DYNLL1: variants seen among roughly 807,000 people sequenced by gnomAD.
The protein encoded by DYNLL1 is dynein light chain LC8-type 1.
A neutral mutation model predicts 10.1 loss-of-function variants in DYNLL1; 3 were observed. The ratio of observed to expected loss-of-function variants is 0.30; its 90% CI spans 0.14 to 0.77. The LOEUF is 0.77. Among genes scored for constraint, DYNLL1 ranks in the 30% least tolerant of loss-of-function variants. The pLI is 0.66. For missense variants in DYNLL1, 47 were observed against 111.7 expected, an observed-to-expected ratio of 0.42 and a Z score of 2.61; for synonymous variants, 46 against 41.2, an observed-to-expected ratio of 1.12 and a Z score of -0.45.
At chr12:120,487,367 A>G (rs1474707656) in intron 1 of DYNLL1, among the ~76,000 whole-genome samples, 2 of 120,564 alleles carry the variant, frequency 1.7e-5, no homozygotes, top group Non-Finnish European at 1.6e-5. Flanking sequence ...ATCTCGGCTC[A>G]TTACACATGT....
At chr12:120,485,251 CTTTTTTTTTTT>C (rs34043402) in intron 1 of DYNLL1, among the ~76,000 whole-genome samples, 7 of 76,844 alleles carry the variant, frequency 9.1e-5, no homozygotes, top group African/African-American at 2.5e-4. Context: ...TTGTAGAAGG[CTTTTTTTTTTT>C]TTTTTTTTTT....
intron 1 of DYNLL1, 57 bp downstream of exon 1, chr12:120,496,273 G>C: frequency 7.9e-7 from 1 of 1,267,852 alleles, no homozygotes; most frequent in Non-Finnish European, 1.1e-6. Flanking sequence ...CCCCACTCCG[G>C]ACTTAGCCCT....
chr12:120,489,898 C>T (rs1245377622), intron 1 of DYNLL1, among the ~76,000 whole-genome samples: 3 of 152,190 alleles, frequency 2.0e-5, no homozygotes, highest in African/African-American at 4.8e-5. Flanking sequence ...CAGGTGCACG[C>T]TGCCACGCCC....
intron 1 of DYNLL1, among the ~76,000 whole-genome samples, chr12:120,487,150 A>G (rs1332796663): frequency 7.4e-6 from 1 of 134,344 alleles, no homozygotes; most frequent in Non-Finnish European, 1.6e-5. Context: ...AATTTTTTGT[A>G]TTTTTAGTAG....
At chr12:120,472,718 G>A (rs73221378) in intron 1 of DYNLL1, among the ~76,000 whole-genome samples, 6,903 of 152,260 alleles carry the variant, frequency 0.045, 261 homozygotes, top group South Asian at 0.099. Context: ...AGCTTTAATT[G>A]TGCAATGTCC....
chr12:120,472,597 A>G (rs1049386021), intron 1 of DYNLL1, among the ~76,000 whole-genome samples: 2 of 152,208 alleles, frequency 1.3e-5, no homozygotes, highest in Non-Finnish European at 2.9e-5. Flanking sequence ...AAAAGGAAAA[A>G]AAAGTGCTGT....
chr12:120,474,086 A>G (rs1878705152), intron 1 of DYNLL1, among the ~76,000 whole-genome samples: 1 of 151,992 alleles, frequency 6.6e-6, no homozygotes, highest in South Asian at 2.1e-4. Context: ...AGAAGAGAGA[A>G]GGAGCTGAGG....
intron 1 of DYNLL1, among the ~76,000 whole-genome samples, chr12:120,481,404 G>C (rs1404945595): frequency 2.6e-5 from 4 of 152,112 alleles, no homozygotes; most frequent in Non-Finnish European, 5.9e-5. Flanking sequence ...AGGTGCCCCA[G>C]CTACCCACAT....
At chr12:120,489,466 G>A (rs556918713) in intron 1 of DYNLL1, among the ~76,000 whole-genome samples, 2 of 152,286 alleles carry the variant, frequency 1.3e-5, no homozygotes, top group African/African-American at 4.8e-5. Flanking sequence ...CAGCAAATCT[G>A]TCAGCTCTAC....
intron 1 of DYNLL1, among the ~76,000 whole-genome samples, chr12:120,479,628 G>A (rs888367257): frequency 2.0e-5 from 3 of 152,052 alleles, no homozygotes; most frequent in Non-Finnish European, 4.4e-5. Flanking sequence ...TCTAAACTGA[G>A]ACCTGAAGAA....
chr12:120,480,871 T>G (rs1053212945), intron 1 of DYNLL1, among the ~76,000 whole-genome samples: 1 of 151,566 alleles, frequency 6.6e-6, no homozygotes, highest in South Asian at 2.1e-4. Flanking sequence ...GTCATTCTCC[T>G]GCCTCAGCCT....
At chr12:120,474,849 G>A (rs1878721279) in intron 1 of DYNLL1, among the ~76,000 whole-genome samples, 1 of 152,196 alleles carries the variant, frequency 6.6e-6, no homozygotes, top group Non-Finnish European at 1.5e-5. Context: ...GAGTCACTGG[G>A]AAACGTGTTC....
At chr12:120,490,106 T>C (rs190392218) in intron 1 of DYNLL1, among the ~76,000 whole-genome samples, 116 of 152,352 alleles carry the variant, frequency 7.6e-4, no homozygotes, top group African/African-American at 2.6e-3. Context: ...TGCTTGTTTT[T>C]ATCTTTATTC....
chr12:120,493,476 A>G (rs199921863), upstream of DYNLL1, among the ~76,000 whole-genome samples: 3 of 152,032 alleles, frequency 2.0e-5, no homozygotes, highest in East Asian at 1.9e-4. Context: ...GCGCCACTGC[A>G]CTCCAGTCTG....
intron 1 of DYNLL1, 45 bp downstream of exon 1, chr12:120,496,261 C>A: frequency 1.8e-6 from 2 of 1,112,926 alleles, no homozygotes; most frequent in Non-Finnish European, 2.6e-6. Flanking sequence ...TGCCTTATTT[C>A]GCCCCACTCC....
intron 1 of DYNLL1, among the ~76,000 whole-genome samples, chr12:120,475,784 C>T (rs1353461115): frequency 6.6e-6 from 1 of 152,142 alleles, no homozygotes; most frequent in East Asian, 1.9e-4. Flanking sequence ...CCCCATTCCC[C>T]CAAAAAAGGC....
chr12:120,482,916 CA>C, intron 1 of DYNLL1, among the ~76,000 whole-genome samples: 1 of 151,832 alleles, frequency 6.6e-6, no homozygotes, highest in South Asian at 2.1e-4. Flanking sequence ...TCCATCTCTA[CA>C]AAAAAGTAAA....
At chr12:120,494,290 CT>C (rs550901143), upstream of DYNLL1, among the ~76,000 whole-genome samples, 1,609 of 141,468 alleles carry the variant, frequency 0.011, 21 homozygotes, top group African/African-American at 0.035. Flanking sequence ...CATTTTTTTC[CT>C]TTTTTTTTTT....
intron 2 of DYNLL1, chr12:120,496,873 C>T (rs1868436796): frequency 8.5e-6 from 3 of 351,198 alleles, no homozygotes; most frequent in Non-Finnish European, 1.0e-5. Flanking sequence ...CTGGGTGTTC[C>T]GGAGGGGGGA....
Sources: allele counts gnomAD v4.1 joint callset (sites outside exome capture counted in the v4.1 genomes callset), GRCh38; gene constraint gnomAD v4.1.1; transcripts MANE v1.5; gene names NCBI Gene and HGNC (gene_info 2026-07-23, HGNC 2026-07-21).